DIP2A: variants seen among roughly 807,000 people sequenced by gnomAD.
The protein encoded by DIP2A is disco-interacting protein 2 homolog A.
Under a neutral mutation model 177.4 loss-of-function variants are expected in DIP2A, and 85 were observed. The ratio of observed to expected loss-of-function variants is 0.48; its 90% CI spans 0.40 to 0.57. DIP2A has a LOEUF of 0.57. Among genes scored for constraint, DIP2A ranks in the 20% least tolerant of loss-of-function variants. The pLI, the probability that DIP2A is intolerant of heterozygous loss-of-function variation, is 0.00. For synonymous variants in DIP2A, 886 were observed against 881.8 expected (o/e 1.00, Z -0.08); for missense variants, 1,791 against 2,100.2 (o/e 0.85, Z 2.88).
At chr21:46,502,908 A>G (rs1332835539) in intron 5 of DIP2A, among the ~76,000 whole-genome samples, 1 of 152,242 alleles carries the variant, frequency 6.6e-6, no homozygotes, top group Non-Finnish European at 1.5e-5. Flanking sequence ...CTGAACAGAT[A>G]GATGGACTGT....
At chr21:46,512,655 A>G (rs1156722664) in intron 8 of DIP2A, among the ~76,000 whole-genome samples, 1 of 151,094 alleles carries the variant, frequency 6.6e-6, no homozygotes, top group Non-Finnish European at 1.5e-5. Flanking sequence ...TTTTCTGAGA[A>G]AAGGTTTCAC....
intron 20 of DIP2A, chr21:46,546,245 T>C: frequency 2.4e-6 from 3 of 1,233,442 alleles, no homozygotes; most frequent in Non-Finnish European, 3.0e-6. Context: ...GAGTATTCAT[T>C]ATATCATTCT....
rs902742007 is a variant in DIP2A, at chr21:46,545,141, T to A, written c.2181T>A (p.Asn727Lys). The change falls in exon 19 of 38, where the codon AAT becomes AAA. Residue 727 changes from asparagine to lysine, a missense_variant. Coordinates refer to ENST00000417564, the MANE Select transcript of DIP2A (RefSeq NM_015151.4). ...QDVGQVMPGANVCVVKLEGTP... is the reference protein window; with the variant it reads ...QDVGQVMPGAKVCVVKLEGTP... ...GAGTTTTTTTTCTCATTTTAGCTAATGTATGTGTTGTGAAGTTAGAAGGTA... is the reference window on the plus strand; with the variant it reads ...GAGTTTTTTTTCTCATTTTAGCTAAAGTATGTGTTGTGAAGTTAGAAGGTA... The A allele has an allele frequency of 1.3e-6, 2 of 1,583,572 alleles. No individual in the cohort carries two copies. Among genetic ancestry groups the A allele is most frequent in the Non-Finnish European group, 1.7e-6 (2 of 1,159,574 alleles).
chr21:46,546,860 C>T (rs915169025), intron 20 of DIP2A, 55 bp from the exon 21 acceptor site: 61 of 1,596,316 alleles, frequency 3.8e-5, no homozygotes, highest in Middle Eastern at 1.7e-4. Context: ...ATGGTCCTGG[C>T]GCATCCAGCT....
rs2058708736 is a variant in DIP2A, at chr21:46,519,099, C to T, written c.1102+7485C>T. ...CATCTAGGATAACTTCCTGACGTTG[C>T]CATGGCTGCTGTAAACTGTCATGGC... On this transcript the variant is annotated intron_variant, in intron 8 of 37. Coordinates refer to ENST00000417564, the MANE Select transcript of DIP2A (RefSeq NM_015151.4). Among the ~76,000 whole-genome samples the T allele has an allele frequency of 2.0e-5, 3 of 152,270 alleles. No individual in the cohort carries two copies. The South Asian group carries it at 6.2e-4, about 32-fold the overall frequency.
intron 1 of DIP2A, among the ~76,000 whole-genome samples, chr21:46,460,945 C>T (rs1014923777): frequency 1.2e-4 from 18 of 151,910 alleles, no homozygotes; most frequent in African/African-American, 2.9e-4. Context: ...CCGCCTGCCT[C>T]GGCCTCCCAA....
Position 46,498,485 on chromosome 21 carries a change from C to T in DIP2A, c.404-97C>T, listed in dbSNP as rs2057476046. 3.5e-6 allele frequency: 5 copies of T among 1,426,926 alleles called. No homozygotes were observed. In the African/African-American group the frequency reaches 5.7e-5, roughly 16 times the overall value. The allele number at this position is 1,426,926 out of a possible 1,614,324, so 88.4% of individuals were successfully genotyped here. On this transcript the variant is annotated intron_variant, in intron 4 of 37. Coordinates refer to ENST00000417564, the MANE Select transcript of DIP2A (RefSeq NM_015151.4). This position sits in a 1 kb window ranked among gnomAD's most constrained non-coding sequence, Gnocchi z 4.3. ...GCTGTGCCAGGTGTACAGAAGCATGCTGCACACAGGTCTGGGAGGCTCCAG... is the reference window on the plus strand; with the variant it reads ...GCTGTGCCAGGTGTACAGAAGCATGTTGCACACAGGTCTGGGAGGCTCCAG...
At chr21:46,555,369 C>G (rs971024326) in intron 28 of DIP2A, 1 of 228,804 alleles carries the variant, frequency 4.4e-6, no homozygotes, top group Non-Finnish European at 8.9e-6. Flanking sequence ...CCTGGCTCCC[C>G]TCTGCCGTGG....
chr21:46,563,585 T>C lies in DIP2A; in HGVS notation c.4090-273T>C. 2.3e-6 allele frequency: 1 copy of C among 433,048 alleles called. No homozygotes were observed. The highest frequency in any genetic ancestry group is 2.6e-5 in the South Asian group (1 of 38,516). 26.8% of individuals were successfully genotyped at this position (433,048 alleles called of 1,614,324 possible). A position where few individuals can be genotyped will look rare whatever the true frequency, so the allele number is the denominator to read the frequency against. ...TGCGCTGGCATCACCTGGCTGATTG[T>C]CTTTGTAGGCTTAGTGACCCTCTGC... On this transcript the variant is annotated intron_variant, in intron 34 of 37. Coordinates refer to ENST00000417564, the MANE Select transcript of DIP2A (RefSeq NM_015151.4). This position sits in a 1 kb window ranked among gnomAD's most constrained non-coding sequence, Gnocchi z 4.3.
At chr21:46,580,731 G>T in the DIP2A span, among the ~76,000 whole-genome samples, 1 of 152,116 alleles carries the variant, frequency 6.6e-6, no homozygotes, top group Non-Finnish European at 1.5e-5. Flanking sequence ...ATAAAATTCT[G>T]GGTTGGAAAT....
chr21:46,462,235 C>T (rs1246104005), intron 1 of DIP2A, among the ~76,000 whole-genome samples: 1 of 152,220 alleles, frequency 6.6e-6, no homozygotes, highest in Non-Finnish European at 1.5e-5. Flanking sequence ...GGCGCTTCCA[C>T]AGGTTAATGC....
the DIP2A span, among the ~76,000 whole-genome samples, chr21:46,579,490 G>C: frequency 6.6e-6 from 1 of 151,858 alleles, no homozygotes; most frequent in Non-Finnish European, 1.5e-5. Flanking sequence ...CTTGTCTTCT[G>C]CTAGCTTTGG....
At position 46,549,977 on chromosome 21, in the gene DIP2A, C is replaced by G; in HGVS notation, c.2637+92C>G. The G allele has an allele frequency of 2.5e-6, 4 of 1,575,014 alleles. No homozygotes were observed. In the South Asian group the frequency reaches 4.5e-5, roughly 18 times the overall value. The stretch of plus-strand genomic sequence containing the variant: ...GTGCCAAGTGGTTGGCTTGTCCCGC[C>G]CGGTCCTCCCTGGCTCCAGCTTTGT... On this transcript the variant is annotated intron_variant, in intron 22 of 37. Coordinates refer to ENST00000417564, the MANE Select transcript of DIP2A (RefSeq NM_015151.4).
chr21:46,535,426 T>C (rs933339780), intron 13 of DIP2A, among the ~76,000 whole-genome samples: 2 of 152,092 alleles, frequency 1.3e-5, no homozygotes, highest in African/African-American at 4.8e-5. Context: ...ATATCTAAAA[T>C]ATAGGTGTTC....
In DIP2A at chr21:46,542,802, T is replaced by C. The variant is rs575750181; in HGVS notation, c.2176+907T>C. On this transcript the variant is annotated intron_variant, in intron 18 of 37. Coordinates refer to ENST00000417564, the MANE Select transcript of DIP2A (RefSeq NM_015151.4). Reference sequence around the variant, plus strand: ...GTCAGTGCAGTCTCCCCCCTTCCAATGCGGCCCTGACTGTGTTAGGGGTTG... The same window carrying C: ...GTCAGTGCAGTCTCCCCCCTTCCAACGCGGCCCTGACTGTGTTAGGGGTTG... Among the ~76,000 whole-genome samples, 36 of 152,346 alleles carry C rather than the reference T, an allele frequency of 2.4e-4. 1 individual carries two copies. In the East Asian group the frequency reaches 6.0e-3, roughly 25 times the overall value.
intron 8 of DIP2A, among the ~76,000 whole-genome samples, chr21:46,517,680 TCTC>T (rs2058648814): frequency 6.6e-6 from 1 of 152,228 alleles, no homozygotes; most frequent in South Asian, 2.1e-4. Flanking sequence ...GGGCTCTTGG[TCTC>T]CTGCTGCACA....
At chr21:46,497,659 T>C (rs973231030) in intron 4 of DIP2A, among the ~76,000 whole-genome samples, 1 of 152,248 alleles carries the variant, frequency 6.6e-6, no homozygotes, top group African/African-American at 2.4e-5. Context: ...AAGATGTCGA[T>C]AGTGTCTAAT....
chr21:46,556,363 T>G lies in DIP2A; in HGVS notation c.3498+272T>G. On this transcript the variant is annotated intron_variant, in intron 29 of 37. Transcript: ENST00000417564. The surrounding 1 kb of genome is among the most constrained non-coding windows in gnomAD (Gnocchi z 4.5). ...GAACTGGTGGCTTTGAAGAATCTCTTACCTTGCTGGGAGTCAATAGCTCAA... is the reference window on the plus strand; with the variant it reads ...GAACTGGTGGCTTTGAAGAATCTCTGACCTTGCTGGGAGTCAATAGCTCAA... 1 of 1,411,826 alleles carries G rather than the reference T, an allele frequency of 7.1e-7. No individual in the cohort carries two copies. The allele number at this position is 1,411,826 out of a possible 1,614,324, so 87.5% of individuals were successfully genotyped here. A position where few individuals can be genotyped will look rare whatever the true frequency, so the allele number is the denominator to read the frequency against.
At position 46,560,862 on chromosome 21, in the gene DIP2A, C is replaced by T. The variant is rs2060639523; in HGVS notation, c.4031+79C>T. 5 of 1,531,656 alleles carry T rather than the reference C, an allele frequency of 3.3e-6. No homozygotes were observed. The East Asian group carries it at 7.4e-5, about 23-fold the overall frequency. 94.9% of individuals were successfully genotyped at this position (1,531,656 alleles called of 1,614,324 possible). On this transcript the variant is annotated intron_variant, in intron 33 of 37. Transcript: ENST00000417564. The stretch of plus-strand genomic sequence containing the variant: ...AAACCAGGTCTGCACTGACTATGCA[C>T]CCCCGGGACCCAGGCATTAGAGGAC...
Sources: gnomAD v4.1 joint callset for allele counts (sites outside exome capture counted in the v4.1 genomes callset) on GRCh38, gnomAD v4.1.1 for gene constraint, Gnocchi (gnomAD v3.1) non-coding constraint, MANE v1.5 for transcripts, NCBI Gene and HGNC (gene_info 2026-07-23, HGNC 2026-07-21) for gene names.